The following GRID2 variants were observed in gnomAD, a reference collection of about 807,000 sequenced individuals.
The protein encoded by GRID2 is glutamate receptor ionotropic, delta-2.
In GRID2, 33 loss-of-function variants were observed where a neutral mutation model predicts 114.8. The observed-to-expected ratio is 0.29, with a 90% confidence interval of 0.22 to 0.38. The LOEUF is 0.38. Among genes scored for constraint, GRID2 ranks in the 10% least tolerant of loss-of-function variants. The pLI is 1.00. For synonymous variants in GRID2, 505 were observed against 449.9 expected (o/e 1.12, Z -1.55); for missense variants, 1,184 against 1,257.7 (o/e 0.94, Z 0.89).
rs1243398814 is a variant in GRID2 at position 92,589,068 on chromosome 4, T to G, written c.89-1063T>G. 2.0e-5 allele frequency among the ~76,000 whole-genome samples: 3 copies of G among 152,258 alleles called. No homozygotes were observed. In the East Asian group the frequency reaches 5.8e-4, roughly 29 times the overall value. The stretch of plus-strand genomic sequence containing the variant: ...TTGCAATGAGCTGAAATCACGCCAT[T>G]GCACTCTAGCCTAGGCGACAGAACA... On this transcript the variant is annotated intron_variant, in intron 1 of 15. Transcript: ENST00000282020.
chr4:92,856,324 T>C lies in GRID2; in HGVS notation c.245-228671T>C, dbSNP rs116092335. Among the ~76,000 whole-genome samples, 898 of 152,196 alleles carry C rather than the reference T, an allele frequency of 5.9e-3. 16 individuals carry two copies. The highest frequency in any genetic ancestry group is 0.021 in the African/African-American group (852 of 41,554). On this transcript the variant is annotated intron_variant, in intron 2 of 15. Coordinates refer to ENST00000282020, the MANE Select transcript of GRID2 (RefSeq NM_001510.4). Reference sequence around the variant, plus strand: ...ATATCAGGCCATTATTTACCAAAACTCCACCTCCCATTCCAGTCCCTTCGC... The same window carrying C: ...ATATCAGGCCATTATTTACCAAAACCCCACCTCCCATTCCAGTCCCTTCGC...
chr4:92,597,090 ATTTATTTTTATT>A (rs527626689), intron 2 of GRID2, among the ~76,000 whole-genome samples: 96 of 151,926 alleles, frequency 6.3e-4, no homozygotes, highest in African/African-American at 2.2e-3. Flanking sequence ...TACCAAATTT[ATTTATTTTTATT>A]TTTATTTTTA....
chr4:92,314,583 C>A (rs951877875), intron 1 of GRID2, among the ~76,000 whole-genome samples: 1 of 152,110 alleles, frequency 6.6e-6, no homozygotes, highest in Non-Finnish European at 1.5e-5. Flanking sequence ...CACTTTTCAA[C>A]ACTGACATCA....
intron 4 of GRID2, among the ~76,000 whole-genome samples, chr4:93,197,808 C>T (rs111310085): frequency 3.0e-4 from 45 of 152,266 alleles, no homozygotes; most frequent in Non-Finnish European, 5.3e-4. Flanking sequence ...ATTTACTCAA[C>T]TTTCATTTTA....
At chr4:92,946,003 T>G (rs530925345) in intron 2 of GRID2, among the ~76,000 whole-genome samples, 1 of 152,304 alleles carries the variant, frequency 6.6e-6, no homozygotes, top group Admixed American at 6.5e-5. Flanking sequence ...AGTCTGCTAA[T>G]GACTACCAAT....
chr4:92,882,336 A>G (rs1205098444), intron 2 of GRID2, among the ~76,000 whole-genome samples: 3 of 152,168 alleles, frequency 2.0e-5, no homozygotes, highest in Non-Finnish European at 4.4e-5. Flanking sequence ...AATAAAAAAT[A>G]TTTTCCTCAG....
At chr4:92,624,399 C>G (rs1004882573) in intron 2 of GRID2, among the ~76,000 whole-genome samples, 1 of 151,738 alleles carries the variant, frequency 6.6e-6, no homozygotes, top group African/African-American at 2.4e-5. Flanking sequence ...ATGGTGTTTT[C>G]TCAAATGACA....
intron 13 of GRID2, among the ~76,000 whole-genome samples, chr4:93,625,061 A>G (rs1230455461): frequency 2.0e-5 from 3 of 152,220 alleles, no homozygotes; most frequent in African/African-American, 7.2e-5. Flanking sequence ...AGGACACAGG[A>G]CAGGAGATAT....
At chr4:93,714,005 G>A (rs879541869) in intron 14 of GRID2, among the ~76,000 whole-genome samples, 13 of 151,958 alleles carry the variant, frequency 8.6e-5, no homozygotes, top group Non-Finnish European at 1.9e-4. Context: ...GTAAACATGT[G>A]CCATGGTGGT....
chr4:92,506,999 G>A (rs1267781899), intron 1 of GRID2, among the ~76,000 whole-genome samples: 2 of 151,348 alleles, frequency 1.3e-5, no homozygotes, highest in Non-Finnish European at 2.9e-5. Context: ...TAGCATCCCT[G>A]CCTCCTGCTC....
chr4:93,399,500 C>T (rs1446331462), intron 9 of GRID2, among the ~76,000 whole-genome samples: 6 of 151,906 alleles, frequency 3.9e-5, no homozygotes, highest in East Asian at 1.9e-4. Context: ...GTATTATTGA[C>T]GAAGATGTAA....
intron 2 of GRID2, among the ~76,000 whole-genome samples, chr4:92,600,063 T>TAC (rs1729149781): frequency 8.0e-6 from 1 of 125,684 alleles, no homozygotes; most frequent in Non-Finnish European, 1.7e-5. Flanking sequence ...TATATATATA[T>TAC]ATATATATAT....
intron 2 of GRID2, among the ~76,000 whole-genome samples, chr4:92,716,903 C>T (rs202122678): frequency 1.3e-5 from 2 of 152,208 alleles, no homozygotes; most frequent in East Asian, 3.9e-4. Context: ...CTGATATCAG[C>T]AAAGCAATCT....
chr4:93,002,618 C>T (rs534049047), intron 2 of GRID2, among the ~76,000 whole-genome samples: 1 of 151,504 alleles, frequency 6.6e-6, no homozygotes, highest in South Asian at 2.1e-4. Context: ...TGATTTTCTG[C>T]TTTGTTTTCT....
intron 2 of GRID2, among the ~76,000 whole-genome samples, chr4:92,942,037 T>C (rs1248279171): frequency 6.6e-6 from 1 of 152,170 alleles, no homozygotes; most frequent in Admixed American, 6.5e-5. Flanking sequence ...GAGAAGAATG[T>C]CTATTCTGTT....
At chr4:92,448,566 A>G (rs1733590368) in intron 1 of GRID2, among the ~76,000 whole-genome samples, 1 of 152,186 alleles carries the variant, frequency 6.6e-6, no homozygotes, top group Admixed American at 6.6e-5. Context: ...GTACACAAGT[A>G]CTAAATCCAT....
At chr4:92,686,814 A>G (rs1733929950) in intron 2 of GRID2, among the ~76,000 whole-genome samples, 1 of 152,124 alleles carries the variant, frequency 6.6e-6, no homozygotes, top group Non-Finnish European at 1.5e-5. Flanking sequence ...CCTCTTGTCA[A>G]AGCATTTTGT....
rs1031282922 is a variant in GRID2 at position 92,952,580 on chromosome 4, G to T, written c.245-132415G>T. Among the ~76,000 whole-genome samples, 8 of 152,154 alleles carry T rather than the reference G, an allele frequency of 5.3e-5. No individual in the cohort carries two copies. In the East Asian group the frequency reaches 1.5e-3, roughly 29 times the overall value. ...TCTAGTACAATTATATTAAGAGGTG[G>T]TATTTGGTAGCTATATGAAGAAAGT... On this transcript the variant is annotated intron_variant, in intron 2 of 15. Coordinates refer to ENST00000282020, the MANE Select transcript of GRID2 (RefSeq NM_001510.4).
intron 8 of GRID2, among the ~76,000 whole-genome samples, chr4:93,315,948 A>T (rs1209313702): frequency 6.6e-6 from 1 of 152,104 alleles, no homozygotes; most frequent in East Asian, 1.9e-4. Context: ...TTATCAAATT[A>T]CCTAATTTGT....
Sources: gnomAD v4.1 joint callset for allele counts (sites outside exome capture counted in the v4.1 genomes callset) on GRCh38, gnomAD v4.1.1 for gene constraint, MANE v1.5 for transcripts, NCBI Gene and HGNC (gene_info 2026-07-23, HGNC 2026-07-21) for gene names.